ABR: variants seen among roughly 807,000 people sequenced by gnomAD.
ABR encodes the protein ABR activator of RhoGEF and GTPase.
In ABR, 35 loss-of-function variants were observed where a neutral mutation model predicts 107.2. The ratio of observed to expected loss-of-function variants is 0.33; its 90% CI spans 0.25 to 0.43. ABR has a LOEUF of 0.43. ABR is among the 20% of genes least tolerant of loss of function. The pLI is 1.00. For synonymous variants in ABR, 498 were observed against 462.0 expected (o/e 1.08, Z -1.00); for missense variants, 815 against 1,115.2 (o/e 0.73, Z 3.83).
intron 1 of ABR, among the ~76,000 whole-genome samples, chr17:1,209,127 G>A (rs1056737685): frequency 6.6e-6 from 1 of 151,392 alleles, no homozygotes; most frequent in Non-Finnish European, 1.5e-5. Context: ...CCTTTCTTCC[G>A]GATGGAGTTC....
Position 1,050,155 on chromosome 17 carries a change from G to C in ABR, c.1686C>G (p.Ser562=), listed in dbSNP as rs75677643. ...DEEFEIELEG[S]QSLRILCYEK... ...CATAGCACAGGATCCTCAGGGACTG[G>C]GAGCCCTCCAGCTCGATCTCAAACT... The change falls in exon 16 of 23, where the codon TCC becomes TCG. Residue 562 remains serine (S), a synonymous_variant. Transcript: ENST00000302538. The surrounding 1 kb of genome is among the most constrained non-coding windows in gnomAD (Gnocchi z 4.6). 6.2e-7 allele frequency: 1 copy of C among 1,613,880 alleles called. No homozygotes were observed. Among genetic ancestry groups the C allele is most frequent in the South Asian group, 1.1e-5 (1 of 91,074 alleles).
At chr17:1,052,190 C>T (rs1023299215) in intron 14 of ABR, among the ~76,000 whole-genome samples, 2 of 152,066 alleles carry the variant, frequency 1.3e-5, no homozygotes, top group Admixed American at 6.5e-5. Flanking sequence ...ACACACAGAA[C>T]GGGGCTGGGG....
chr17:1,176,885 A>G (rs1567862322), intron 1 of ABR, among the ~76,000 whole-genome samples: 1 of 150,762 alleles, frequency 6.6e-6, no homozygotes, highest in African/African-American at 2.5e-5. Flanking sequence ...AAAAAAAGAA[A>G]AAAGAAAGAA....
rs79741867 is a variant in ABR, at chr17:1,144,195, G to A, written c.62-18828C>T. 4.5e-3 allele frequency among the ~76,000 whole-genome samples: 692 copies of A among 152,214 alleles called. 37 individuals are homozygous for A. The East Asian group carries it at 0.11, about 24-fold the overall frequency. ...TAGGAAAGACAGTTATGTGCCCACC[G>A]AACATAGAGGAATCATATTGCAGAC... On this transcript the variant is annotated intron_variant, in intron 1 of 22. Transcript: ENST00000302538.
chr17:1,046,813 G>A (rs577753658), intron 16 of ABR, among the ~76,000 whole-genome samples: 5 of 152,318 alleles, frequency 3.3e-5, no homozygotes, highest in African/African-American at 1.2e-4. Context: ...GTACCCCAGT[G>A]TCCTCATCTG....
intron 9 of ABR, 69 bp from the exon 10 acceptor site, chr17:1,067,311 C>A: frequency 3.7e-6 from 5 of 1,340,302 alleles, no homozygotes; most frequent in Non-Finnish European, 4.9e-6. Flanking sequence ...CTCTTGGGTC[C>A]AGAACCACAG....
chr17:1,110,748 C>T (rs3813439), intron 2 of ABR, among the ~76,000 whole-genome samples: 10 of 152,014 alleles, frequency 6.6e-5, no homozygotes, highest in Non-Finnish European at 5.9e-5. Context: ...CAGGGGATTG[C>T]GGGGTGAGCC....
intron 16 of ABR, chr17:1,031,894 C>T (rs1360619548): frequency 7.9e-6 from 9 of 1,139,664 alleles, no homozygotes; most frequent in Non-Finnish European, 9.9e-6. Context: ...CTCCCTCCCT[C>T]CGTCCGCGTC....
chr17:1,021,494 G>A (rs1050604408), intron 16 of ABR, among the ~76,000 whole-genome samples: 10 of 152,234 alleles, frequency 6.6e-5, no homozygotes, highest in African/African-American at 2.4e-4. Flanking sequence ...AGAGGGGGTT[G>A]CAGAGGTTCA....
In ABR at chr17:1,142,786, T is replaced by C. The variant is rs887645548; in HGVS notation, c.62-17419A>G. On this transcript the variant is annotated intron_variant, in intron 1 of 22. Coordinates refer to ENST00000302538, the MANE Select transcript of ABR (RefSeq NM_021962.5). ...ATTGTGAACCACAGACAGGCAGGGG[T>C]GGGTGGGGGTCGGCCCCTGTCTCAT... Among the ~76,000 whole-genome samples the C allele has an allele frequency of 2.6e-5, 4 of 151,984 alleles. 1 individual carries two copies. Among genetic ancestry groups the C allele is most frequent in the African/African-American group, 4.8e-5 (2 of 41,450 alleles).
chr17:1,180,013 T>C (rs1448059635), upstream of ABR: 2 of 99,348 alleles, frequency 2.0e-5, no homozygotes, highest in African/African-American at 4.8e-5. Context: ...GGGGTGGGGC[T>C]TCGTGGTGGG....
intron 16 of ABR, among the ~76,000 whole-genome samples, chr17:1,030,178 T>A (rs991625122): frequency 6.6e-6 from 1 of 152,342 alleles, no homozygotes; most frequent in African/African-American, 2.4e-5. Context: ...GGCTTCTCAG[T>A]TCTGCCGGCC....
At chr17:1,018,414 A>G (rs542188672) in intron 16 of ABR, among the ~76,000 whole-genome samples, 1 of 152,158 alleles carries the variant, frequency 6.6e-6, no homozygotes, top group African/African-American at 2.4e-5. Flanking sequence ...TTTTGAGACC[A>G]CCCCTTCTTG....
chr17:1,013,067 C>A (rs1328289782), intron 17 of ABR, 38 bp downstream of exon 17: 9 of 1,611,016 alleles, frequency 5.6e-6, no homozygotes, highest in Non-Finnish European at 6.8e-6. Context: ...GTTCCACCTC[C>A]CGGCTCACGC....
chr17:1,203,201 G>C (rs1299228136), intron 1 of ABR, among the ~76,000 whole-genome samples: 2 of 152,008 alleles, frequency 1.3e-5, no homozygotes, highest in African/African-American at 4.8e-5. Context: ...CCTTTTAAAA[G>C]GTCTTTCACT....
intron 2 of ABR, among the ~76,000 whole-genome samples, chr17:1,110,338 G>A (rs981375686): frequency 5.9e-5 from 9 of 152,030 alleles, no homozygotes; most frequent in African/African-American, 1.9e-4. Context: ...GGTTGCAAAC[G>A]GCACCCATGA....
At chr17:1,066,058 T>C (rs1419941935) in intron 10 of ABR, among the ~76,000 whole-genome samples, 2 of 152,024 alleles carry the variant, frequency 1.3e-5, no homozygotes, top group Admixed American at 1.3e-4. Context: ...TTTGTATTTT[T>C]AGTAGAGATG....
In ABR at chr17:1,050,212, C is replaced by A. The variant is rs142760824; in HGVS notation, c.1660-31G>T. 5.4e-4 allele frequency: 868 copies of A among 1,599,546 alleles called. 1 individual carries two copies. Among genetic ancestry groups the A allele is most frequent in the Non-Finnish European group, 6.7e-4 (791 of 1,174,844 alleles). On this transcript the variant is annotated intron_variant, in intron 15 of 22. Coordinates refer to ENST00000302538, the MANE Select transcript of ABR (RefSeq NM_021962.5). The surrounding 1 kb of genome is among the most constrained non-coding windows in gnomAD (Gnocchi z 4.6). ...GAAAGATGGGACAAAGGGCCCTGAACCTCCGAAGCTGGGAGGCCTGGCTTT... is the reference window on the plus strand; with the variant it reads ...GAAAGATGGGACAAAGGGCCCTGAAACTCCGAAGCTGGGAGGCCTGGCTTT...
chr17:1,023,536 G>C (rs1384283314), intron 16 of ABR, among the ~76,000 whole-genome samples: 1 of 135,472 alleles, frequency 7.4e-6, no homozygotes, highest in Non-Finnish European at 1.5e-5. Flanking sequence ...CTTGAGAAAA[G>C]GAACAGGCCA....
Sources: gnomAD v4.1 joint callset for allele counts (sites outside exome capture counted in the v4.1 genomes callset) on GRCh38, gnomAD v4.1.1 for gene constraint, Gnocchi (gnomAD v3.1) non-coding constraint, MANE v1.5 for transcripts, NCBI Gene and HGNC (gene_info 2026-07-23, HGNC 2026-07-21) for gene names.